Variants in TENM3 observed in about 807,000 individuals in gnomAD.
The protein encoded by TENM3 is teneurin-3.
Under a neutral mutation model 255.1 loss-of-function variants are expected in TENM3, and 63 were observed. The observed-to-expected ratio is 0.25, with a 90% CI of 0.20 to 0.30. The LOEUF is 0.30. Ranked by LOEUF, TENM3 falls within the 10% of genes least tolerant of loss-of-function variation. The probability of loss-of-function intolerance (pLI) is 1.00; values close to 1 mark genes in which losing one functional copy is unlikely to be tolerated. For missense variants in TENM3, 2,929 were observed against 3,461.1 expected (o/e 0.85, Z 3.86); for synonymous variants, 1,306 against 1,322.3 (o/e 0.99, Z 0.27).
chr4:182,263,691 G>T (rs547290033), intron 1 of TENM3, among the ~76,000 whole-genome samples: 1 of 152,118 alleles, frequency 6.6e-6, no homozygotes, highest in African/African-American at 2.4e-5. Flanking sequence ...ATTTCGCCTT[G>T]CCCACCCTGC....
At chr4:182,161,650 T>TAC (rs1751210971) in intron 1 of TENM3, among the ~76,000 whole-genome samples, 1 of 107,706 alleles carries the variant, frequency 9.3e-6, no homozygotes, top group Non-Finnish European at 1.8e-5. Flanking sequence ...TATATATATA[T>TAC]ATACACACAC....
At chr4:182,427,227 T>G (rs975513364) in intron 3 of TENM3, among the ~76,000 whole-genome samples, 2 of 152,226 alleles carry the variant, frequency 1.3e-5, no homozygotes, top group Non-Finnish European at 2.9e-5. Context: ...GTCTTTACAC[T>G]TTGGACGTTA....
intron 1 of TENM3, among the ~76,000 whole-genome samples, chr4:182,175,056 G>A (rs1468492537): frequency 1.3e-5 from 2 of 152,034 alleles, no homozygotes; most frequent in East Asian, 1.9e-4. Context: ...GATTAAATAC[G>A]TCCAGGCACA....
the TENM3 span, among the ~76,000 whole-genome samples, chr4:181,675,749 CA>C: frequency 6.6e-6 from 1 of 151,968 alleles, no homozygotes; most frequent in Non-Finnish European, 1.5e-5. Flanking sequence ...GAGGGGTAAA[CA>C]TTTTTCTCTG....
intron 3 of TENM3, among the ~76,000 whole-genome samples, chr4:182,474,546 C>G (rs942892316): frequency 1.3e-5 from 2 of 152,184 alleles, no homozygotes; most frequent in African/African-American, 4.8e-5. Context: ...CAGACATTCT[C>G]AGGCAATGAG....
At chr4:181,850,473 G>A in the TENM3 span, among the ~76,000 whole-genome samples, 7 of 151,892 alleles carry the variant, frequency 4.6e-5, no homozygotes. Flanking sequence ...AGCCACATAG[G>A]AAATTTATAT....
intron 3 of TENM3, among the ~76,000 whole-genome samples, chr4:182,455,564 T>C (rs1427880024): frequency 1.4e-5 from 2 of 138,240 alleles, no homozygotes; most frequent in Admixed American, 7.3e-5. Context: ...TTTTTTTTTT[T>C]TTTTTTTTTT....
chr4:181,940,982 G>A, the TENM3 span, among the ~76,000 whole-genome samples: 2 of 152,168 alleles, frequency 1.3e-5, no homozygotes, highest in Non-Finnish European at 2.9e-5. Flanking sequence ...TGAATACCGG[G>A]TGTGAGAAAG....
At chr4:182,645,433 G>A (rs1752656685) in intron 5 of TENM3, among the ~76,000 whole-genome samples, 1 of 152,048 alleles carries the variant, frequency 6.6e-6, no homozygotes, top group African/African-American at 2.4e-5. Context: ...TATATTTTGG[G>A]GAATACATGG....
At chr4:182,621,737 A>C (rs62339132) in intron 4 of TENM3, among the ~76,000 whole-genome samples, 1 of 2,148 alleles carries the variant, frequency 4.7e-4, no homozygotes, top group Non-Finnish European at 0.011. Context: ...TAAAATATAT[A>C]ATATATAATA....
At chr4:182,458,058 T>C (rs1362775162) in intron 3 of TENM3, among the ~76,000 whole-genome samples, 5 of 152,214 alleles carry the variant, frequency 3.3e-5, no homozygotes, top group African/African-American at 1.2e-4. Context: ...TCAAGGCAAA[T>C]CATTTAATTT....
rs909433232 is a variant in TENM3 at position 182,329,326 on chromosome 4, A to G, written c.232+5074A>G. ...AGAGAGAGGCTGACCTGCCCCTCCC[A>G]TGGCCCCCACTTGGGCAAATGTTGC... On this transcript the variant is annotated intron_variant, in intron 2 of 27. Coordinates refer to ENST00000511685, the MANE Select transcript of TENM3 (RefSeq NM_001080477.4). Among the ~76,000 whole-genome samples, 10 of 152,308 alleles carry G rather than the reference A, an allele frequency of 6.6e-5. No homozygotes were observed. In the South Asian group the frequency reaches 8.3e-4, roughly 13 times the overall value.
the TENM3 span, among the ~76,000 whole-genome samples, chr4:181,602,559 T>G: frequency 1.3e-5 from 2 of 152,308 alleles, no homozygotes; most frequent in East Asian, 3.9e-4. Flanking sequence ...ATTCTTAATA[T>G]CTGTCAAAAG....
chr4:181,522,508 T>C, the TENM3 span, among the ~76,000 whole-genome samples: 2 of 152,210 alleles, frequency 1.3e-5, no homozygotes, highest in African/African-American at 4.8e-5. Context: ...GTGATATGTC[T>C]TTCATTAAGG....
chr4:181,460,719 C>T, the TENM3 span, among the ~76,000 whole-genome samples: 1 of 145,972 alleles, frequency 6.9e-6, no homozygotes, highest in East Asian at 2.0e-4. Flanking sequence ...TTACAATACA[C>T]CCAGTTAAAT....
chr4:182,139,086 C>T (rs904111858), upstream of TENM3, among the ~76,000 whole-genome samples: 2 of 152,160 alleles, frequency 1.3e-5, no homozygotes, highest in Non-Finnish European at 2.9e-5. Context: ...TATGCCAGCC[C>T]ATGGGCTAGG....
At chr4:182,714,312 TG>T in intron 13 of TENM3, 79 bp downstream of exon 13, 2 of 419,932 alleles carry the variant, frequency 4.8e-6, no homozygotes, top group South Asian at 1.5e-4. Flanking sequence ...AGATATCTGT[TG>T]CCAAAAAAAA....
intron 4 of TENM3, among the ~76,000 whole-genome samples, chr4:182,607,654 G>A (rs911742752): frequency 6.6e-6 from 1 of 152,118 alleles, no homozygotes; most frequent in Non-Finnish European, 1.5e-5. Context: ...AATAGAGTGG[G>A]AGTGTTATTT....
At chr4:182,642,010 AG>A (rs1438126599) in intron 5 of TENM3, among the ~76,000 whole-genome samples, 2 of 152,222 alleles carry the variant, frequency 1.3e-5, no homozygotes, top group African/African-American at 2.4e-5. Context: ...TATTTTGGGA[AG>A]CAGGGAATAA....
Sources: gnomAD v4.1 joint callset for allele counts (sites outside exome capture counted in the v4.1 genomes callset) on GRCh38, gnomAD v4.1.1 for gene constraint, MANE v1.5 for transcripts, NCBI Gene and HGNC (gene_info 2026-07-23, HGNC 2026-07-21) for gene names.